PHLPP1: variants seen among roughly 807,000 people sequenced by gnomAD.
PHLPP1 encodes the protein PH domain and leucine rich repeat protein phosphatase 1, also known as PH domain leucine-rich repeat-containing protein phosphatase 1.
A neutral mutation model predicts 117.2 loss-of-function variants in PHLPP1; 42 were observed. The observed-to-expected ratio is 0.36, with a 90% CI of 0.28 to 0.46. The LOEUF (loss-of-function observed/expected upper bound fraction) is 0.46, where lower values mean the gene tolerates loss of function less well. Among genes scored for constraint, PHLPP1 ranks in the 20% least tolerant of loss-of-function variants. The pLI, the probability that PHLPP1 is intolerant of heterozygous loss-of-function variation, is 1.00. For missense variants in PHLPP1, 2,084 were observed against 2,241.9 expected (o/e 0.93, Z 1.42); for synonymous variants, 1,042 against 970.7 (o/e 1.07, Z -1.37).
chr18:62,762,344 A>G (rs1343549868), intron 1 of PHLPP1, among the ~76,000 whole-genome samples: 1 of 150,574 alleles, frequency 6.6e-6, no homozygotes, highest in Non-Finnish European at 1.5e-5. Flanking sequence ...ATTATTAAAA[A>G]AAAAAAACCT....
rs1413862599 is a variant in PHLPP1, at chr18:62,919,928, A to T, written c.2805-31A>T. On this transcript the variant is annotated intron_variant, in intron 9 of 16. Transcript: ENST00000262719. The stretch of plus-strand genomic sequence containing the variant: ...TTTTAAGTATTCTTTACTCTTTTTC[A>T]TTTTTTGGTCTTTTGTCCCTTTTTA... The T allele has an allele frequency of 3.3e-6, 5 of 1,525,008 alleles. No homozygotes were observed. The Admixed American group carries it at 8.3e-5, about 25-fold the overall frequency. The allele number at this position is 1,525,008 out of a possible 1,614,324, so 94.5% of individuals were successfully genotyped here.
chr18:62,719,493 A>G (rs1294226318), intron 1 of PHLPP1, among the ~76,000 whole-genome samples: 1 of 152,220 alleles, frequency 6.6e-6, no homozygotes, highest in Non-Finnish European at 1.5e-5. Context: ...GAAGGTTTGC[A>G]CCAGGCTGGA....
intron 4 of PHLPP1, among the ~76,000 whole-genome samples, chr18:62,881,692 G>A (rs190273868): frequency 6.6e-6 from 1 of 152,328 alleles, no homozygotes; most frequent in Admixed American, 6.5e-5. Flanking sequence ...ATGATGGCAG[G>A]TGCTCACTGG....
At chr18:62,938,295 T>A (rs542487266) in intron 10 of PHLPP1, among the ~76,000 whole-genome samples, 4 of 152,266 alleles carry the variant, frequency 2.6e-5, no homozygotes, top group Admixed American at 2.6e-4. Flanking sequence ...GAATTCAGCT[T>A]TTTTGCAAGG....
At chr18:62,867,199 A>T (rs924018815) in intron 4 of PHLPP1, among the ~76,000 whole-genome samples, 1 of 152,094 alleles carries the variant, frequency 6.6e-6, no homozygotes, top group Non-Finnish European at 1.5e-5. Context: ...ACCCTTTTGA[A>T]TCTTTTGGCT....
chr18:62,785,009 G>T (rs1410525070), intron 1 of PHLPP1, among the ~76,000 whole-genome samples: 1 of 152,126 alleles, frequency 6.6e-6, no homozygotes, highest in Non-Finnish European at 1.5e-5. Context: ...TCCAAAATTA[G>T]GTTGTTATAA....
At chr18:62,862,396 C>G (rs1915655433) in intron 4 of PHLPP1, among the ~76,000 whole-genome samples, 1 of 152,062 alleles carries the variant, frequency 6.6e-6, no homozygotes, top group African/African-American at 2.4e-5. Context: ...CACCACTGAT[C>G]TTATCAGTAA....
At chr18:62,850,796 C>G (rs112897656) in intron 3 of PHLPP1, among the ~76,000 whole-genome samples, 10 of 152,162 alleles carry the variant, frequency 6.6e-5, no homozygotes, top group African/African-American at 1.9e-4. Context: ...TATACTGTTG[C>G]ATCTGACTCC....
chr18:62,956,402 G>A (rs889337960), intron 12 of PHLPP1, among the ~76,000 whole-genome samples: 1 of 152,160 alleles, frequency 6.6e-6, no homozygotes, highest in Non-Finnish European at 1.5e-5. Context: ...GACCTCATCT[G>A]TTCCCAAAGG....
chr18:62,730,757 A>G (rs535507844), intron 1 of PHLPP1, among the ~76,000 whole-genome samples: 275 of 150,200 alleles, frequency 1.8e-3, no homozygotes, highest in African/African-American at 6.6e-3. Flanking sequence ...GTGCCATTGC[A>G]CTCTAGCCTG....
In PHLPP1 at chr18:62,979,512, G is replaced by T. The variant is rs1422272118; in HGVS notation, c.*81G>T. On this transcript the variant is annotated 3_prime_UTR_variant, in exon 17 of 17. Coordinates refer to ENST00000262719, the MANE Select transcript of PHLPP1 (RefSeq NM_194449.4). Reference sequence around the variant, plus strand: ...CTCCCAGGCTCACATTAAACCAGGGGTTTTACTCCACATCCTTCCCCCAGA... The same window carrying T: ...CTCCCAGGCTCACATTAAACCAGGGTTTTTACTCCACATCCTTCCCCCAGA... The T allele has an allele frequency of 1.4e-6, 2 of 1,429,780 alleles. No homozygotes were observed. The highest frequency in any genetic ancestry group is 1.4e-5 in the African/African-American group (1 of 69,988). The allele number at this position is 1,429,780 out of a possible 1,614,324, so 88.6% of individuals were successfully genotyped here. A position where few individuals can be genotyped will look rare whatever the true frequency, so the allele number is the denominator to read the frequency against.
chr18:62,919,921 C>CT, intron 9 of PHLPP1, 38 bp from the exon 10 acceptor site: 1 of 1,492,910 alleles, frequency 6.7e-7, no homozygotes. Context: ...ATTCTTTACT[C>CT]TTTTTCATTT....
chr18:62,797,687 TA>T (rs1913665598), intron 1 of PHLPP1, among the ~76,000 whole-genome samples: 1 of 152,246 alleles, frequency 6.6e-6, no homozygotes, highest in African/African-American at 2.4e-5. Context: ...TTGATTAATT[TA>T]AGTCCCTAAT....
intron 1 of PHLPP1, among the ~76,000 whole-genome samples, chr18:62,778,875 T>C (rs1913039651): frequency 6.6e-6 from 1 of 152,266 alleles, no homozygotes; most frequent in Non-Finnish European, 1.5e-5. Flanking sequence ...CATATTATGC[T>C]TTGGAAATAT....
intron 1 of PHLPP1, among the ~76,000 whole-genome samples, chr18:62,721,265 G>A (rs952771771): frequency 6.6e-6 from 1 of 152,112 alleles, no homozygotes; most frequent in Non-Finnish European, 1.5e-5. Flanking sequence ...AAATATCCTG[G>A]TTGCAAATAG....
At chr18:62,913,452 A>G (rs1251560322) in intron 8 of PHLPP1, among the ~76,000 whole-genome samples, 1 of 152,236 alleles carries the variant, frequency 6.6e-6, no homozygotes, top group Non-Finnish European at 1.5e-5. Context: ...TAAATAGTGC[A>G]TAATTCCACC....
At chr18:62,821,652 T>C (rs1025319919) in intron 1 of PHLPP1, among the ~76,000 whole-genome samples, 2 of 150,936 alleles carry the variant, frequency 1.3e-5, no homozygotes, top group Non-Finnish European at 2.9e-5. Flanking sequence ...CTAACCAAAC[T>C]GATCAAGAAA....
At chr18:62,914,738 C>T (rs1263118002) in intron 8 of PHLPP1, among the ~76,000 whole-genome samples, 175 bp from the exon 9 acceptor site, 1 of 152,198 alleles carries the variant, frequency 6.6e-6, no homozygotes, top group Non-Finnish European at 1.5e-5. Context: ...ATTTCTTCTC[C>T]CTATCACAAT....
In PHLPP1 at chr18:62,860,538, A is replaced by G. The variant is rs1211353258; in HGVS notation, c.2003A>G (p.Lys668Arg). 6.2e-7 allele frequency: 1 copy of G among 1,613,752 alleles called. No individual in the cohort carries two copies. The highest frequency in any genetic ancestry group is 8.5e-7 in the Non-Finnish European group (1 of 1,179,848). Residue 668 changes from lysine (K) to arginine (R), a missense_variant, in exon 4 of 17, where the codon AAA (lysine) becomes AGA (arginine). This residue lies in a region of PHLPP1 where 1,365 missense variants were observed against 1,605.9 expected (regional missense o/e 0.85). Coordinates refer to ENST00000262719, the MANE Select transcript of PHLPP1 (RefSeq NM_194449.4). ...CAAGACCTCACTCATCTCAATTTAAAACAAAACTTCCTAAGGCAGAACCCT... is the reference window on the plus strand; with the variant it reads ...CAAGACCTCACTCATCTCAATTTAAGACAAAACTTCCTAAGGCAGAACCCT... ...YSQDLTHLNLKQNFLRQNPSL... is the reference protein window; with the variant it reads ...YSQDLTHLNLRQNFLRQNPSL...
Sources: gnomAD v4.1 joint callset for allele counts (sites outside exome capture counted in the v4.1 genomes callset) on GRCh38, gnomAD v4.1.1 for gene constraint, gnomAD v4.1.1 regional missense constraint, MANE v1.5 for transcripts, NCBI Gene and HGNC (gene_info 2026-07-23, HGNC 2026-07-21) for gene names.